Variants in TREM1 observed in about 807,000 individuals in gnomAD.
TREM1 encodes triggering receptor expressed on monocytes 1.
A neutral mutation model predicts 22.4 loss-of-function variants in TREM1; 16 were observed. The ratio of observed to expected loss-of-function variants is 0.71; its 90% CI spans 0.48 to 1.08. The LOEUF (loss-of-function observed/expected upper bound fraction) is 1.08. TREM1 is among the 50% of genes least tolerant of loss of function. TREM1 has a pLI of 0.00. For missense variants in TREM1, 283 were observed against 282.9 expected, an observed-to-expected ratio of 1.00 and a Z score of 0.00; for synonymous variants, 110 against 111.6, an observed-to-expected ratio of 0.99 and a Z score of 0.09.
downstream of TREM1, among the ~76,000 whole-genome samples, chr6:41,272,067 C>T (rs1262489015): frequency 6.6e-6 from 1 of 152,180 alleles, no homozygotes; most frequent in African/African-American, 2.4e-5. Context: ...CCCACATACG[C>T]GGTCACCATC....
chr6:41,269,327 C>T (rs1188438999), downstream of TREM1, among the ~76,000 whole-genome samples: 2 of 152,154 alleles, frequency 1.3e-5, no homozygotes, highest in South Asian at 2.1e-4. Context: ...GCCTCATCTA[C>T]TGCTATTGAA....
chr6:41,272,840 C>A (rs1214975830), downstream of TREM1, among the ~76,000 whole-genome samples: 1 of 152,088 alleles, frequency 6.6e-6, no homozygotes, highest in Non-Finnish European at 1.5e-5. Context: ...TTTACTCAGG[C>A]GTCTCCTTGG....
downstream of TREM1, among the ~76,000 whole-genome samples, chr6:41,273,592 G>T (rs964451185): frequency 6.6e-6 from 1 of 152,222 alleles, no homozygotes; most frequent in Non-Finnish European, 1.5e-5. Flanking sequence ...GCAAGACACC[G>T]CTGGCTCATT....
chr6:41,282,481 T>A lies in TREM1; in HGVS notation c.320A>T (p.Asp107Val), dbSNP rs957823423. 6.2e-6 allele frequency: 10 copies of A among 1,614,062 alleles called. No homozygotes were observed. Among genetic ancestry groups the A allele is most frequent in the Non-Finnish European group, 8.5e-6 (10 of 1,180,044 alleles). The change falls in exon 2 of 4, where the codon GAT (aspartate) becomes GTT (valine). Residue 107 changes from aspartate to valine, a missense_variant. Coordinates refer to ENST00000244709, the MANE Select transcript of TREM1 (RefSeq NM_018643.5). ...RVRMVNLQVEDSGLYQCVIYQ... is the reference protein window; with the variant it reads ...RVRMVNLQVEVSGLYQCVIYQ... ...GATCACACACTGATACAGTCCAGAATCTTCCACTTGAAGGTTGACCATTCG... is the reference window on the plus strand; with the variant it reads ...GATCACACACTGATACAGTCCAGAAACTTCCACTTGAAGGTTGACCATTCG...
At chr6:41,278,251 A>G (rs1327091615) in intron 3 of TREM1, among the ~76,000 whole-genome samples, 1 of 152,056 alleles carries the variant, frequency 6.6e-6, no homozygotes, top group African/African-American at 2.4e-5. Context: ...AAGACTTTAC[A>G]GCTTGCTTCT....
chr6:41,282,892 C>T, intron 1 of TREM1, 141 bp from the exon 2 acceptor site: 2 of 766,956 alleles, frequency 2.6e-6, no homozygotes, highest in Admixed American at 2.4e-5. Context: ...AGAGAAAATA[C>T]AACTTGCCCT....
chr6:41,276,160 G>T lies in TREM1; in HGVS notation c.670C>A (p.Leu224Met). ...AATGACCTCAGCGTGACAGCAAACA[G>T]GACAGAGAAGACCAGGCTCTTACTC... ...FLSKSLVFSV[L>M]FAVTLRSFVP The change falls in exon 4 of 4, where the codon CTG (leucine) becomes ATG (methionine). Residue 224 changes from leucine (L) to methionine (M), a missense_variant. Coordinates refer to ENST00000244709, the MANE Select transcript of TREM1 (RefSeq NM_018643.5). 6.2e-7 allele frequency: 1 copy of T among 1,614,156 alleles called. No homozygotes were observed. The highest frequency in any genetic ancestry group is 1.1e-5 in the South Asian group (1 of 91,084).
intron 3 of TREM1, among the ~76,000 whole-genome samples, chr6:41,277,929 T>G (rs1340576839): frequency 1.7e-5 from 2 of 117,944 alleles, no homozygotes; most frequent in East Asian, 2.2e-4. Context: ...TTTTTTTTTT[T>G]AGAGAGAAAG....
At chr6:41,280,851 C>T (rs765692370) in intron 3 of TREM1, 110 bp downstream of exon 3, 19 of 1,560,320 alleles carry the variant, frequency 1.2e-5, no homozygotes, top group South Asian at 9.5e-5. Flanking sequence ...CTCAAGTCTT[C>T]TCCTGCCCCA....
downstream of TREM1, among the ~76,000 whole-genome samples, chr6:41,267,603 A>G (rs943118605): frequency 1.3e-5 from 2 of 152,176 alleles, no homozygotes; most frequent in Admixed American, 1.3e-4. Context: ...AAAAAAACAC[A>G]CACATTAAGC....
In TREM1 at chr6:41,282,625, CTTA is replaced by C; in HGVS notation, c.173_175del (p.Ile58del). On this transcript the variant is annotated inframe_deletion, in exon 2 of 4. Coordinates refer to ENST00000244709, the MANE Select transcript of TREM1 (RefSeq NM_018643.5). ...CAGGGTCTTGGGCATCTCTCCGTCCCTTATTATCTGCCAAGCTTTCTGGCTGCT... is the reference window on the plus strand; with the variant it reads ...CAGGGTCTTGGGCATCTCTCCGTCCCTTATCTGCCAAGCTTTCTGGCTGCT... 6.2e-7 allele frequency: 1 copy of C among 1,614,206 alleles called. No individual in the cohort carries two copies. Among genetic ancestry groups the C allele is most frequent in the Non-Finnish European group, 8.5e-7 (1 of 1,180,050 alleles).
Position 41,281,011 on chromosome 6 carries a change from G to C in TREM1, c.549C>G (p.Val183=), listed in dbSNP as rs1315879045. The C allele has an allele frequency of 3.7e-6, 6 of 1,614,258 alleles. No individual in the cohort carries two copies. Among genetic ancestry groups the C allele is most frequent in the Non-Finnish European group, 5.1e-6 (6 of 1,180,048 alleles). The change falls in exon 3 of 4, where the codon GTC becomes GTG. Residue 183 remains valine, a synonymous_variant. Transcript: ENST00000244709. ...GGTTGATTTCAGAGTCAGGAGTGGA[G>C]ACATCGGCAGTTGACTTGGGTGGAG... ...TQAPPKSTAD[V]STPDSEINLT...
chr6:41,281,002 A>G lies in TREM1; in HGVS notation c.558T>C (p.Pro186=). ...PPKSTADVST[P]DSEINLTNVT... ...CATTTGTAAGGTTGATTTCAGAGTC[A>G]GGAGTGGAGACATCGGCAGTTGACT... The change falls in exon 3 of 4, where the codon CCT becomes CCC. Residue 186 remains proline (P), a synonymous_variant. Coordinates refer to ENST00000244709, the MANE Select transcript of TREM1 (RefSeq NM_018643.5). The G allele has an allele frequency of 6.2e-7, 1 of 1,614,266 alleles. No homozygotes were observed. The highest frequency in any genetic ancestry group is 1.6e-4 in the Middle Eastern group (1 of 6,062).
downstream of TREM1, among the ~76,000 whole-genome samples, chr6:41,269,230 G>A (rs1470801143): frequency 6.6e-6 from 1 of 152,168 alleles, no homozygotes; most frequent in Admixed American, 6.5e-5. Flanking sequence ...TGCTAACAAA[G>A]GAGGAGGGGG....
chr6:41,279,834 C>T (rs1333350602), intron 3 of TREM1: 2 of 985,252 alleles, frequency 2.0e-6, no homozygotes. Flanking sequence ...TTGGTAGATG[C>T]TATTTGTATA....
downstream of TREM1, among the ~76,000 whole-genome samples, chr6:41,269,361 T>C (rs2113967175): frequency 6.6e-6 from 1 of 152,342 alleles, no homozygotes; most frequent in East Asian, 1.9e-4. Context: ...GGAACAGCTT[T>C]TCATTGACCA....
downstream of TREM1, among the ~76,000 whole-genome samples, chr6:41,272,390 G>A (rs1767507271): frequency 6.6e-6 from 1 of 152,170 alleles, no homozygotes; most frequent in Admixed American, 6.5e-5. Context: ...CTGTGAAATG[G>A]TGCTGCGCAA....
In TREM1 at chr6:41,282,408, C is replaced by A; in HGVS notation, c.393G>T (p.Leu131Phe). ...EPHMLFDRIR[L>F]VVTKGFSGTP... Reference sequence around the variant, plus strand: ...CAGGCCACTCACCCTTGGTCACCACCAAGCGGATGCGATCGAACAGCATGT... The same window carrying A: ...CAGGCCACTCACCCTTGGTCACCACAAAGCGGATGCGATCGAACAGCATGT... The change falls in exon 2 of 4, where the codon TTG (leucine) becomes TTT (phenylalanine). Residue 131 changes from leucine (L) to phenylalanine (F), a missense_variant. By Grantham distance (22) the Leu-to-Phe change is conservative. Coordinates refer to ENST00000244709, the MANE Select transcript of TREM1 (RefSeq NM_018643.5). 6.2e-7 allele frequency: 1 copy of A among 1,610,330 alleles called. No homozygotes were observed. Among genetic ancestry groups the A allele is most frequent in the Non-Finnish European group, 8.5e-7 (1 of 1,177,672 alleles).
rs146552688 is a variant in TREM1 at position 41,274,950 on chromosome 6, T to A, written c.*1175A>T. On this transcript the variant is annotated 3_prime_UTR_variant, in exon 4 of 4. Transcript: ENST00000244709. ...TAAATTGGGCTGGAAGGACCCACCA[T>A]CCTTTCCCCACCCATGAGGCCCATT... 3.3e-5 allele frequency among the ~76,000 whole-genome samples: 5 copies of A among 152,176 alleles called. 1 individual carries two copies. The highest frequency in any genetic ancestry group is 1.2e-4 in the African/African-American group (5 of 41,518).
Sources: allele counts gnomAD v4.1 joint callset (sites outside exome capture counted in the v4.1 genomes callset), GRCh38; gene constraint gnomAD v4.1.1; transcripts MANE v1.5; gene names NCBI Gene and HGNC (gene_info 2026-07-23, HGNC 2026-07-21).